TAOK3: variants seen among roughly 807,000 people sequenced by gnomAD.
TAOK3 encodes serine/threonine-protein kinase TAO3.
A neutral mutation model predicts 120.4 loss-of-function variants in TAOK3; 40 were observed. The observed-to-expected ratio is 0.33, with a 90% CI of 0.26 to 0.43. TAOK3 has a LOEUF of 0.43. Among genes scored for constraint, TAOK3 ranks in the 20% least tolerant of loss-of-function variants. TAOK3 has a pLI of 1.00. For missense variants in TAOK3, 821 were observed against 1,112.1 expected (o/e 0.74, Z 3.72); for synonymous variants, 355 against 387.5 (o/e 0.92, Z 0.99).
chr12:118,254,780 C>T (rs536465922), intron 3 of TAOK3, among the ~76,000 whole-genome samples: 4 of 151,864 alleles, frequency 2.6e-5, no homozygotes, highest in South Asian at 4.2e-4. Context: ...TTTTTTGAGA[C>T]GGAGTCTCAC....
At chr12:118,155,503 C>T (rs1278891071) in intron 19 of TAOK3, among the ~76,000 whole-genome samples, 1 of 152,152 alleles carries the variant, frequency 6.6e-6, no homozygotes, top group Non-Finnish European at 1.5e-5. Context: ...AGTTTCCTCA[C>T]AGGTAAATTA....
At chr12:118,171,039 C>G (rs966805987) in intron 17 of TAOK3, among the ~76,000 whole-genome samples, 1 of 152,186 alleles carries the variant, frequency 6.6e-6, no homozygotes, top group African/African-American at 2.4e-5. Context: ...GTTTTCTCTG[C>G]TTACTCCAGG....
chr12:118,198,818 A>G (rs1199037208), intron 13 of TAOK3: 2 of 544,658 alleles, frequency 3.7e-6, no homozygotes, highest in Non-Finnish European at 6.6e-6. Context: ...CAACTTATTT[A>G]TTGATGATGA....
chr12:118,223,645 A>ATT lies in TAOK3; in HGVS notation c.644-9537_644-9536dup, dbSNP rs370848653. ...ACAGGTGTGAGCCACCGCACCCGGC[A>ATT]TTTTTTTTTTTTTTTTGAGACAGAG... On this transcript the variant is annotated intron_variant, in intron 9 of 20. Coordinates refer to ENST00000392533, the MANE Select transcript of TAOK3 (RefSeq NM_016281.4). Among the ~76,000 whole-genome samples, 812 of 135,830 alleles carry ATT rather than the reference A, an allele frequency of 6.0e-3. 6 individuals carry two copies. Among genetic ancestry groups the ATT allele is most frequent in the South Asian group, 0.015 (61 of 4,202 alleles). 89.1% of individuals were successfully genotyped at this position (135,830 alleles called of 152,430 possible).
At chr12:118,272,011 G>A (rs1292759469) in intron 1 of TAOK3, among the ~76,000 whole-genome samples, 1 of 152,198 alleles carries the variant, frequency 6.6e-6, no homozygotes, top group Non-Finnish European at 1.5e-5. Context: ...CTAGCACGGA[G>A]TAGAAGATTT....
chr12:118,325,551 T>G (rs904903629), intron 1 of TAOK3, among the ~76,000 whole-genome samples: 1 of 152,194 alleles, frequency 6.6e-6, no homozygotes, highest in Non-Finnish European at 1.5e-5. Context: ...TATTCAGATC[T>G]TTTGCCCATT....
chr12:118,359,932 T>C (rs1389890605), intron 1 of TAOK3, among the ~76,000 whole-genome samples: 1 of 152,192 alleles, frequency 6.6e-6, no homozygotes, highest in Non-Finnish European at 1.5e-5. Context: ...AGAAAATTTA[T>C]TTCAATACTT....
rs189162308 is a variant in TAOK3 at position 118,240,844 on chromosome 12, T to A, written c.295-1572A>T. The stretch of plus-strand genomic sequence containing the variant: ...ACTAGACATAACCAATATCAACATA[T>A]TAGTTCCTTTCATTAAAAAAATTAA... On this transcript the variant is annotated intron_variant, in intron 5 of 20. Transcript: ENST00000392533. Among the ~76,000 whole-genome samples the A allele has an allele frequency of 3.0e-3, 452 of 152,130 alleles. 7 individuals carry two copies. Among genetic ancestry groups the A allele is most frequent in the Middle Eastern group, 0.01 (3 of 294 alleles).
At chr12:118,193,148 G>A (rs1403609623) in intron 13 of TAOK3, among the ~76,000 whole-genome samples, 1 of 145,938 alleles carries the variant, frequency 6.9e-6, no homozygotes, top group East Asian at 2.0e-4. Context: ...CACCTCCTGG[G>A]TTCATTTTTG....
intron 1 of TAOK3, among the ~76,000 whole-genome samples, chr12:118,318,674 T>C (rs545527496): frequency 5.7e-4 from 87 of 152,118 alleles, no homozygotes; most frequent in Non-Finnish European, 9.4e-4. Context: ...AGTATGGAGG[T>C]TTCTCAAAAA....
chr12:118,194,934 A>G (rs1325113954), intron 13 of TAOK3, among the ~76,000 whole-genome samples: 1 of 152,120 alleles, frequency 6.6e-6, no homozygotes, highest in Non-Finnish European at 1.5e-5. Context: ...TTTTTAGTAG[A>G]GACAGATTTT....
chr12:118,185,854 T>C (rs1169138324), intron 14 of TAOK3, among the ~76,000 whole-genome samples: 1 of 152,108 alleles, frequency 6.6e-6, no homozygotes, highest in African/African-American at 2.4e-5. Context: ...ACAGCATAAG[T>C]GAGAAATGGT....
chr12:118,244,527 C>CTTTTTTTTTTTTTTT lies in TAOK3; in HGVS notation c.192+366_192+367insAAAAAAAAAAAAAAA, dbSNP rs377072006. 1.5e-5 allele frequency among the ~76,000 whole-genome samples: 2 copies of CTTTTTTTTTTTTTTT among 129,558 alleles called. 1 individual carries two copies. Among genetic ancestry groups the CTTTTTTTTTTTTTTT allele is most frequent in the Non-Finnish European group, 3.2e-5 (2 of 61,974 alleles). 85.0% of individuals were successfully genotyped at this position (129,558 alleles called of 152,430 possible). On this transcript the variant is annotated intron_variant, in intron 4 of 20. Transcript: ENST00000392533. ...AAAGAATTTTGTTAATTTCTTTTTT[C>CTTTTTTTTTTTTTTT]TTTTTCTTTTTTTTTTTTTGAGACA...
intron 19 of TAOK3, chr12:118,159,846 T>G: frequency 2.5e-6 from 1 of 395,728 alleles, no homozygotes; most frequent in Non-Finnish European, 4.6e-6. Flanking sequence ...GTCAGTAAAA[T>G]CTTTCATAAA....
chr12:118,163,439 C>CTTT (rs71069421), intron 17 of TAOK3, among the ~76,000 whole-genome samples: 8 of 123,276 alleles, frequency 6.5e-5, no homozygotes, highest in Non-Finnish European at 6.8e-5. Context: ...CAGGGACATA[C>CTTT]TTTTTTTTTG....
Position 118,302,310 on chromosome 12 carries a change from G to A in TAOK3, c.-193-35551C>T, listed in dbSNP as rs150161721. ...AGAATGAACAACAGTATAGCCTGGA[G>A]GGTTTTGGCACTGCCTCATCTCTCT... On this transcript the variant is annotated intron_variant, in intron 1 of 20. Coordinates refer to ENST00000392533, the MANE Select transcript of TAOK3 (RefSeq NM_016281.4). Among the ~76,000 whole-genome samples, 105 of 152,348 alleles carry A rather than the reference G, an allele frequency of 6.9e-4. 1 individual carries two copies. Among genetic ancestry groups the A allele is most frequent in the African/African-American group, 2.5e-3 (103 of 41,586 alleles).
intron 2 of TAOK3, among the ~76,000 whole-genome samples, chr12:118,263,903 T>A (rs2041335234): frequency 6.6e-6 from 1 of 152,124 alleles, no homozygotes; most frequent in Non-Finnish European, 1.5e-5. Flanking sequence ...TCATCTCTAC[T>A]AATAATACAT....
intron 3 of TAOK3, among the ~76,000 whole-genome samples, chr12:118,249,694 G>A (rs1294840502): frequency 6.6e-6 from 1 of 152,020 alleles, no homozygotes; most frequent in Non-Finnish European, 1.5e-5. Context: ...TGGGTGTGGT[G>A]GCACATGCTT....
intron 1 of TAOK3, among the ~76,000 whole-genome samples, chr12:118,310,977 C>T (rs927898613): frequency 6.6e-6 from 1 of 152,154 alleles, no homozygotes; most frequent in Non-Finnish European, 1.5e-5. Flanking sequence ...TAGTTACTGG[C>T]TATATCTACA....
Sources: allele counts gnomAD v4.1 joint callset (sites outside exome capture counted in the v4.1 genomes callset), GRCh38; gene constraint gnomAD v4.1.1; transcripts MANE v1.5; gene names NCBI Gene and HGNC (gene_info 2026-07-23, HGNC 2026-07-21).